PMP2: variants seen among roughly 807,000 people sequenced by gnomAD.
PMP2 encodes peripheral myelin protein 2, also known as myelin P2 protein.
Under a neutral mutation model 15.9 loss-of-function variants are expected in PMP2, and 11 were observed. The observed-to-expected ratio is 0.69, with a 90% confidence interval of 0.44 to 1.14. PMP2 has a LOEUF of 1.14. Ranked by LOEUF, PMP2 falls within the 50% of genes most tolerant of loss-of-function variation. PMP2 has a pLI of 0.00. For synonymous variants in PMP2, 55 were observed against 54.1 expected, an observed-to-expected ratio of 1.02 and a Z score of -0.07; for missense variants, 151 against 154.0, an observed-to-expected ratio of 0.98 and a Z score of 0.10.
intron 2 of PMP2, 91 bp downstream of exon 2, chr8:81,444,726 G>A (rs564617827): frequency 7.2e-7 from 1 of 1,383,644 alleles, no homozygotes; most frequent in Admixed American, 1.8e-5. Flanking sequence ...CTTTTCAACA[G>A]AATTGAGTCT....
Position 81,443,453 on chromosome 8 carries a change from A to G in PMP2, c.349-5T>C, listed in dbSNP as rs374316757. 1 of 1,590,782 alleles carries G rather than the reference A, an allele frequency of 6.3e-7. No individual in the cohort carries two copies. ...CACGCCCTTCATTTTACATTCCTTAAAAAAGAGAGAGGTTAATTGAGTATC... is the reference window on the plus strand; with the variant it reads ...CACGCCCTTCATTTTACATTCCTTAGAAAAGAGAGAGGTTAATTGAGTATC... On this transcript the variant is annotated splice_region_variant and splice_polypyrimidine_tract_variant and intron_variant, in intron 3 of 3. Transcript: ENST00000256103.
chr8:81,444,861 C>G lies in PMP2; in HGVS notation c.202G>C (p.Gly68Arg). 1 of 1,613,900 alleles carries G rather than the reference C, an allele frequency of 6.2e-7. No homozygotes were observed. The highest frequency in any genetic ancestry group is 8.5e-7 in the Non-Finnish European group (1 of 1,179,844). ...FKNTEISFKL[G>R]QEFEETTADN... is the part of the protein sequence containing the mutation. ...GCTGTGGTTTCTTCAAATTCCTGGC[C>G]TAGCTTGAAGGAGATTTCTGTATTT... Residue 68 changes from glycine (G) to arginine (R), a missense_variant, in exon 2 of 4, where the codon GGC (glycine) becomes CGC (arginine). Transcript: ENST00000256103.
intron 1 of PMP2, among the ~76,000 whole-genome samples, chr8:81,446,701 G>A (rs574184573): frequency 4.9e-4 from 75 of 152,232 alleles, no homozygotes; most frequent in Admixed American, 1.4e-3. Context: ...CTCCAGAAAC[G>A]TCTGATGTTA....
intron 1 of PMP2, among the ~76,000 whole-genome samples, 157 bp from the exon 2 acceptor site, chr8:81,445,146 G>A (rs1359718397): frequency 6.6e-6 from 1 of 152,058 alleles, no homozygotes; most frequent in Non-Finnish European, 1.5e-5. Flanking sequence ...CACTCCTAAT[G>A]GAAATACATG....
In PMP2 at chr8:81,447,437, G is replaced by C. The variant is rs760580401; in HGVS notation, c.-51C>G. On this transcript the variant is annotated 5_prime_UTR_variant, in exon 1 of 4. In the 5' UTR this introduces an upstream ATG that the reference lacks. Coordinates refer to ENST00000256103, the MANE Select transcript of PMP2 (RefSeq NM_002677.5). Reference sequence around the variant, plus strand: ...TTCTAAGTGGGATTCAGAAGACTCAGATAAAATGCTGAGGCCTCAGAAGAT... The same window carrying C: ...TTCTAAGTGGGATTCAGAAGACTCACATAAAATGCTGAGGCCTCAGAAGAT... 1.4e-6 allele frequency: 2 copies of C among 1,438,536 alleles called. No individual in the cohort carries two copies. Among genetic ancestry groups the C allele is most frequent in the South Asian group, 2.3e-5 (2 of 87,490 alleles). 89.1% of individuals were successfully genotyped at this position (1,438,536 alleles called of 1,614,324 possible).
Position 81,443,418 on chromosome 8 carries a change from T to G in PMP2, c.379A>C (p.Arg127=), listed in dbSNP as rs1807390542. The change falls in exon 4 of 4, where the codon AGA becomes CGA. Residue 127 remains arginine, a synonymous_variant. Coordinates refer to ENST00000256103, the MANE Select transcript of PMP2 (RefSeq NM_002677.5). ...ECKMKGVVCT[R]IYEKV ...ATTTTTCAGACCTTCTCATAGATTC[T>G]GGTGCACACCACGCCCTTCATTTTA... is the stretch of plus-strand genomic sequence containing the variant. 6.2e-7 allele frequency: 1 copy of G among 1,602,800 alleles called. No individual in the cohort carries two copies. Among genetic ancestry groups the G allele is most frequent in the African/African-American group, 1.3e-5 (1 of 74,474 alleles).
At chr8:81,445,505 G>C (rs1807433502) in intron 1 of PMP2, among the ~76,000 whole-genome samples, 1 of 152,298 alleles carries the variant, frequency 6.6e-6, no homozygotes, top group East Asian at 1.9e-4. Flanking sequence ...TTACAGGCGT[G>C]AGCCACCGCG....
Position 81,442,668 on chromosome 8 carries a change from A to G in PMP2, c.*730T>C, listed in dbSNP as rs1020241490. 12 of 152,154 alleles carry G rather than the reference A, an allele frequency of 7.9e-5. No homozygotes were observed. The East Asian group carries it at 1.2e-3, about 15-fold the overall frequency. 9.4% of individuals were successfully genotyped at this position (152,154 alleles called of 1,614,324 possible). ...TCATATGAGCAGGTAAAATTAATCT[A>G]TATGATAGAAACCAAACCACTACTT... is the stretch of plus-strand genomic sequence containing the variant. On this transcript the variant is annotated 3_prime_UTR_variant, in exon 4 of 4. Coordinates refer to ENST00000256103, the MANE Select transcript of PMP2 (RefSeq NM_002677.5).
At chr8:81,444,730 TGA>T (rs1456506098) in intron 2 of PMP2, 85 bp downstream of exon 2, 1 of 1,394,006 alleles carries the variant, frequency 7.2e-7, no homozygotes. Flanking sequence ...TCAACAGAAT[TGA>T]GTCTACCCTT....
Position 81,444,841 on chromosome 8 carries a change from G to T in PMP2, c.222C>A (p.Thr74=), listed in dbSNP as rs750637246. 17 of 1,613,646 alleles carry T rather than the reference G, an allele frequency of 1.1e-5. No individual in the cohort carries two copies. In the South Asian group the frequency reaches 1.9e-4, roughly 18 times the overall value. Residue 74 remains threonine (T), a synonymous_variant, in exon 2 of 4, where the codon ACC becomes ACA. Coordinates refer to ENST00000256103, the MANE Select transcript of PMP2 (RefSeq NM_002677.5). The stretch of plus-strand genomic sequence containing the variant: ...CCTTGGTCTTTCTATTGTCAGCTGT[G>T]GTTTCTTCAAATTCCTGGCCTAGCT... ...SFKLGQEFEE[T]TADNRKTKSI...
rs1250257392 is a variant in PMP2, at chr8:81,440,681, G to T, written c.*2717C>A. ...TTTTACCTCATTTACTTTATCAATT[G>T]CTCTTTCTCTATTTATGTGTATCAG... On this transcript the variant is annotated 3_prime_UTR_variant, in exon 4 of 4. Coordinates refer to ENST00000256103, the MANE Select transcript of PMP2 (RefSeq NM_002677.5). The T allele has an allele frequency of 6.6e-6, 1 of 152,080 alleles. No individual in the cohort carries two copies. Among genetic ancestry groups the T allele is most frequent in the Non-Finnish European group, 1.5e-5 (1 of 68,016 alleles). 9.4% of individuals were successfully genotyped at this position (152,080 alleles called of 1,614,324 possible).
At position 81,444,978 on chromosome 8, in the gene PMP2, C is replaced by T. The variant is rs570537419; in HGVS notation, c.85G>A (p.Ala29Thr). 138 of 1,612,954 alleles carry T rather than the reference C, an allele frequency of 8.6e-5. 7 individuals carry two copies. The South Asian group carries it at 1.5e-3, about 17-fold the overall frequency. ...DYMKALGVGL[A>T]TRKLGNLAKP... ...GCCAAATTTCCCAGTTTTCTGGTGGCTAACCCCACACCTGAAAATTAAGAT... is the reference window on the plus strand; with the variant it reads ...GCCAAATTTCCCAGTTTTCTGGTGGTTAACCCCACACCTGAAAATTAAGAT... Residue 29 changes from alanine to threonine, a missense_variant, in exon 2 of 4, where the codon GCC becomes ACC. By Grantham distance (58) the Ala-to-Thr change is moderately conservative. Transcript: ENST00000256103.
At position 81,447,279 on chromosome 8, in the gene PMP2, A is replaced by T. The variant is rs377141500; in HGVS notation, c.73+35T>A. 5 of 1,508,192 alleles carry T rather than the reference A, an allele frequency of 3.3e-6. No homozygotes were observed. The African/African-American group carries it at 6.9e-5, about 21-fold the overall frequency. The allele number at this position is 1,508,192 out of a possible 1,614,324, so 93.4% of individuals were successfully genotyped here. ...ATGTCATGTAGCTTTCTTAAAAAGG[A>T]GCTTTTCAGCAGAACAACAAAAAGC... On this transcript the variant is annotated intron_variant, in intron 1 of 3. Coordinates refer to ENST00000256103, the MANE Select transcript of PMP2 (RefSeq NM_002677.5).
At chr8:81,446,936 A>G (rs764877120) in intron 1 of PMP2, among the ~76,000 whole-genome samples, 2 of 152,206 alleles carry the variant, frequency 1.3e-5, no homozygotes, top group Non-Finnish European at 2.9e-5. Context: ...CAATATATTC[A>G]ATTCCTTATT....
chr8:81,445,178 G>A (rs1338170042), intron 1 of PMP2, among the ~76,000 whole-genome samples, 189 bp from the exon 2 acceptor site: 1 of 151,114 alleles, frequency 6.6e-6, no homozygotes, highest in East Asian at 1.9e-4. Context: ...AACATTTTAG[G>A]TTTTGTTGTT....
rs903597218 is a variant in PMP2, at chr8:81,442,540, GA to G, written c.*857del. On this transcript the variant is annotated 3_prime_UTR_variant, in exon 4 of 4. Coordinates refer to ENST00000256103, the MANE Select transcript of PMP2 (RefSeq NM_002677.5). ...ATGAAATAGTACTTGGTAATAAAAA[GA>G]AACAAACTACAGCTGCATGCAACAA... 5 of 152,412 alleles carry G rather than the reference GA, an allele frequency of 3.3e-5. No individual in the cohort carries two copies. Among genetic ancestry groups the G allele is most frequent in the Admixed American group, 6.6e-5 (1 of 15,258 alleles). 9.4% of individuals were successfully genotyped at this position (152,412 alleles called of 1,614,324 possible). A position where few individuals can be genotyped will look rare whatever the true frequency, so the allele number is the denominator to read the frequency against.
Position 81,443,386 on chromosome 8 carries a change from A to G in PMP2, c.*12T>C, listed in dbSNP as rs6473276. On this transcript the variant is annotated 3_prime_UTR_variant, in exon 4 of 4. Coordinates refer to ENST00000256103, the MANE Select transcript of PMP2 (RefSeq NM_002677.5). ...AAATGATAAAAAGCCACTTCAATGA[A>G]GAAATGATTTTTCAGACCTTCTCAT... is the stretch of plus-strand genomic sequence containing the variant. 570,253 of 1,564,718 alleles carry G rather than the reference A, an allele frequency of 0.36. 115,182 individuals are homozygous for G. The highest frequency in any genetic ancestry group is 0.75 in the East Asian group (33,016 of 44,074).
intron 1 of PMP2, among the ~76,000 whole-genome samples, chr8:81,446,890 A>G (rs1807458121): frequency 6.6e-6 from 1 of 152,232 alleles, no homozygotes; most frequent in South Asian, 2.1e-4. Flanking sequence ...GTTTAGCTAA[A>G]ACTTAAATTT....
Position 81,440,660 on chromosome 8 carries a change from A to C in PMP2, c.*2738T>G, listed in dbSNP as rs996442800. ...TTTGCTCAGATTATTGTTAAATTTT[A>C]CCTCATTTACTTTATCAATTGCTCT... On this transcript the variant is annotated 3_prime_UTR_variant, in exon 4 of 4. Transcript: ENST00000256103. The C allele has an allele frequency of 2.0e-5, 3 of 152,200 alleles. No individual in the cohort carries two copies. Among genetic ancestry groups the C allele is most frequent in the African/African-American group, 7.2e-5 (3 of 41,456 alleles). The allele number at this position is 152,200 out of a possible 1,614,324, so 9.4% of individuals were successfully genotyped here.
Sources: allele counts gnomAD v4.1 joint callset (sites outside exome capture counted in the v4.1 genomes callset), GRCh38; gene constraint gnomAD v4.1.1; transcripts MANE v1.5; gene names NCBI Gene and HGNC (gene_info 2026-07-23, HGNC 2026-07-21).